Variants in DPP10 observed in about 807,000 individuals in gnomAD.
The protein encoded by DPP10 is inactive dipeptidyl peptidase 10.
A neutral mutation model predicts 120.9 loss-of-function variants in DPP10; 33 were observed. The ratio of observed to expected loss-of-function variants is 0.27; its 90% confidence interval spans 0.21 to 0.37. The LOEUF (loss-of-function observed/expected upper bound fraction) is 0.37, where lower values mean the gene tolerates loss of function less well. Among genes scored for constraint, DPP10 ranks in the 10% least tolerant of loss-of-function variants. DPP10 has a pLI of 1.00. For synonymous variants in DPP10, 337 were observed against 326.1 expected (o/e 1.03, Z -0.36); for missense variants, 816 against 942.8 (o/e 0.87, Z 1.76).
chr2:114,672,935 G>A (rs2105649218), intron 1 of DPP10, among the ~76,000 whole-genome samples: 1 of 152,216 alleles, frequency 6.6e-6, no homozygotes, highest in East Asian at 1.9e-4. Context: ...ATGTCAAGGA[G>A]CATGGCATGG....
chr2:115,021,480 C>T (rs1385989275), intron 1 of DPP10, among the ~76,000 whole-genome samples: 2 of 152,000 alleles, frequency 1.3e-5, no homozygotes, highest in African/African-American at 4.8e-5. Context: ...GATATACAAT[C>T]TCTGAATATA....
At chr2:115,353,272 G>T (rs958604504) in intron 3 of DPP10, among the ~76,000 whole-genome samples, 3 of 152,214 alleles carry the variant, frequency 2.0e-5, no homozygotes, top group African/African-American at 7.2e-5. Flanking sequence ...ACAAGGATGT[G>T]TTATGACAAA....
intron 5 of DPP10, among the ~76,000 whole-genome samples, chr2:115,625,365 C>G (rs1434705349): frequency 6.6e-6 from 1 of 152,054 alleles, no homozygotes; most frequent in Non-Finnish European, 1.5e-5. Context: ...ATACTTCTGA[C>G]AAAAACAGTC....
intron 1 of DPP10, among the ~76,000 whole-genome samples, chr2:114,734,608 AG>A (rs1309454041): frequency 6.6e-6 from 1 of 152,206 alleles, no homozygotes; most frequent in Non-Finnish European, 1.5e-5. Context: ...GGACTCCCCT[AG>A]GGCTGTGTCA....
intron 1 of DPP10, among the ~76,000 whole-genome samples, chr2:115,270,140 G>T (rs2059636564): frequency 6.8e-6 from 1 of 146,364 alleles, no homozygotes; most frequent in Admixed American, 6.8e-5. Context: ...ACTTATTTAT[G>T]CTGGCAGACT....
chr2:114,820,003 G>A (rs1007701269), intron 1 of DPP10, among the ~76,000 whole-genome samples: 5 of 152,194 alleles, frequency 3.3e-5, no homozygotes, highest in African/African-American at 9.6e-5. Flanking sequence ...ATGCTATAGT[G>A]CTTTGACCTT....
intron 1 of DPP10, among the ~76,000 whole-genome samples, chr2:114,939,510 A>G (rs1260385494): frequency 1.3e-5 from 2 of 152,102 alleles, no homozygotes; most frequent in African/African-American, 4.8e-5. Flanking sequence ...GACTATCGGG[A>G]TGCACAAAAC....
At chr2:115,328,598 A>G (rs2062505368) in intron 2 of DPP10, among the ~76,000 whole-genome samples, 1 of 152,078 alleles carries the variant, frequency 6.6e-6, no homozygotes, top group South Asian at 2.1e-4. Context: ...TTTGCAGCTC[A>G]TCATGTGTGT....
In DPP10 at chr2:114,835,158, AGCCATATCTACACACCTATGTATATATAG is replaced by A. The variant is rs1558792423; in HGVS notation, c.60+392322_60+392350del. On this transcript the variant is annotated intron_variant, in intron 1 of 25. Transcript: ENST00000410059. ...ATATCTACACACCTATGTATATATA[AGCCATATCTACACACCTATGTATATATAG>A]GACATATCTACATACCTATGTATAT... 50 of 149,328 alleles carry A rather than the reference AGCCATATCTACACACCTATGTATATATAG, an allele frequency of 3.3e-4. 1 individual carries two copies. The highest frequency in any genetic ancestry group is 9.5e-4 in the African/African-American group (37 of 38,940). 9.3% of individuals were successfully genotyped at this position (149,328 alleles called of 1,614,324 possible).
chr2:114,605,694 A>G (rs1246897767), intron 1 of DPP10, among the ~76,000 whole-genome samples: 2 of 152,138 alleles, frequency 1.3e-5, no homozygotes, highest in African/African-American at 4.8e-5. Context: ...ACTGTAATCA[A>G]GACCTGACAA....
intron 1 of DPP10, among the ~76,000 whole-genome samples, chr2:114,863,461 G>A (rs79452219): frequency 0.012 from 1,766 of 152,246 alleles, 25 homozygotes; most frequent in African/African-American, 0.04. Flanking sequence ...GTTAGTGGTG[G>A]TGAGAGACTT....
chr2:114,635,556 A>G (rs1270380655), intron 1 of DPP10, among the ~76,000 whole-genome samples: 1 of 151,922 alleles, frequency 6.6e-6, no homozygotes, highest in African/African-American at 2.4e-5. Context: ...AAGATTATTC[A>G]ATCGTTTTTT....
intron 1 of DPP10, among the ~76,000 whole-genome samples, chr2:114,590,715 C>T (rs1252225027): frequency 6.6e-6 from 1 of 152,044 alleles, no homozygotes; most frequent in Non-Finnish European, 1.5e-5. Context: ...AGTATTCCCA[C>T]CACACAAATA....
intron 1 of DPP10, among the ~76,000 whole-genome samples, chr2:115,046,963 G>A (rs1376873452): frequency 1.3e-5 from 2 of 151,828 alleles, no homozygotes; most frequent in East Asian, 3.9e-4. Context: ...TGTTTTATAA[G>A]CTTCATCTGG....
At chr2:115,003,176 T>TAAAAAAAAAAAAAAAAAAAAAAAAAAAAA (rs140794959) in intron 1 of DPP10, among the ~76,000 whole-genome samples, 2 of 134,396 alleles carry the variant, frequency 1.5e-5, no homozygotes, top group Non-Finnish European at 3.1e-5. Context: ...TATGTAGCTA[T>TAAAAAAAAAAAAAAAAAAAAAAAAAAAAA]AAAAAAAAAA....
intron 1 of DPP10, among the ~76,000 whole-genome samples, chr2:114,772,412 G>C (rs1574151561): frequency 6.6e-6 from 1 of 151,988 alleles, no homozygotes; most frequent in African/African-American, 2.4e-5. Context: ...CACCCACTCG[G>C]CCTACCAAAG....
intron 5 of DPP10, among the ~76,000 whole-genome samples, chr2:115,531,148 G>GTTT (rs58542777): frequency 4.8e-5 from 6 of 125,862 alleles, no homozygotes; most frequent in Admixed American, 7.8e-5. Flanking sequence ...TCAAGATTGA[G>GTTT]TTTTTTTTTT....
At chr2:115,773,861 A>T (rs1681766913) in intron 13 of DPP10, among the ~76,000 whole-genome samples, 1 of 152,102 alleles carries the variant, frequency 6.6e-6, no homozygotes, top group South Asian at 2.1e-4. Context: ...TAATGTGCTC[A>T]CTGCTGTGAC....
At chr2:115,514,597 T>A in intron 4 of DPP10, among the ~76,000 whole-genome samples, 1 of 151,802 alleles carries the variant, frequency 6.6e-6, no homozygotes, top group East Asian at 1.9e-4. Flanking sequence ...CTATCTGATA[T>A]GAAGTTCATT....
Sources: gnomAD v4.1 joint callset for allele counts (sites outside exome capture counted in the v4.1 genomes callset) on GRCh38, gnomAD v4.1.1 for gene constraint, MANE v1.5 for transcripts, NCBI Gene and HGNC (gene_info 2026-07-23, HGNC 2026-07-21) for gene names.